The following CNOT1 variants were observed in gnomAD, a reference collection of about 807,000 sequenced individuals.
The protein encoded by CNOT1 is CCR4-associated factor 1.
Under a neutral mutation model 273.8 loss-of-function variants are expected in CNOT1, and 15 were observed. The observed-to-expected ratio is 0.05, with a 90% CI of 0.04 to 0.08. CNOT1 has a LOEUF of 0.08. Ranked by LOEUF, CNOT1 falls within the 10% of genes least tolerant of loss-of-function variation. The pLI, the probability that CNOT1 is intolerant of heterozygous loss-of-function variation, is 1.00. For missense variants in CNOT1, 1,644 were observed against 2,912.2 expected (o/e 0.56, Z 10.02); for synonymous variants, 1,022 against 1,005.5 (o/e 1.02, Z -0.31).
intron 10 of CNOT1, 151 bp from the exon 11 acceptor site, chr16:58,581,666 C>CT (rs923677174): frequency 8.2e-3 from 9,515 of 1,161,320 alleles, no homozygotes; most frequent in East Asian, 0.014. Flanking sequence ...CTTTTTTTTT[C>CT]TTTTTTTTTT....
At chr16:58,602,553 C>CAAA (rs60230860) in intron 1 of CNOT1, among the ~76,000 whole-genome samples, 16,733 of 57,056 alleles carry the variant, frequency 0.29, 2,535 homozygotes, top group Non-Finnish European at 0.35. Context: ...ACTCTGTCTC[C>CAAA]AAAAAAAAAA....
intron 1 of CNOT1, chr16:58,623,148 A>G (rs969230949): frequency 2.0e-5 from 3 of 151,962 alleles, no homozygotes; most frequent in East Asian, 1.9e-4. Flanking sequence ...CAGTGAGCCG[A>G]TATCGCGCTC....
intron 22 of CNOT1, among the ~76,000 whole-genome samples, chr16:58,552,649 C>T (rs1405797245): frequency 6.6e-6 from 1 of 152,152 alleles, no homozygotes; most frequent in South Asian, 2.1e-4. Context: ...TCCTAATAAA[C>T]CTAGAAGGAT....
rs1329518177 is a variant in CNOT1, at chr16:58,562,960, A to T, written c.1980-2598T>A. Among the ~76,000 whole-genome samples, 4 of 152,288 alleles carry T rather than the reference A, an allele frequency of 2.6e-5. No homozygotes were observed. The South Asian group carries it at 8.3e-4, about 32-fold the overall frequency. On this transcript the variant is annotated intron_variant, in intron 16 of 48. Transcript: ENST00000317147. ...AGAAAGCTGTTTCACATTTGGGGGGAAAAAATAAGACTAGGGTGCTAACAG... is the reference window on the plus strand; with the variant it reads ...AGAAAGCTGTTTCACATTTGGGGGGTAAAAATAAGACTAGGGTGCTAACAG...
Position 58,576,593 on chromosome 16 carries a change from G to A in CNOT1, c.1585-11C>T. 6 of 1,614,014 alleles carry A rather than the reference G, an allele frequency of 3.7e-6. No individual in the cohort carries two copies. The highest frequency in any genetic ancestry group is 5.1e-6 in the Non-Finnish European group (6 of 1,179,928). On this transcript the variant is annotated splice_polypyrimidine_tract_variant and intron_variant, in intron 13 of 48. Transcript: ENST00000317147. Reference sequence around the variant, plus strand: ...TGAGGGAGACTGTCCCTAAAAAGGGGAAGAAAGATTAAATAGCAATACTGC... The same window carrying A: ...TGAGGGAGACTGTCCCTAAAAAGGGAAAGAAAGATTAAATAGCAATACTGC...
intron 1 of CNOT1, among the ~76,000 whole-genome samples, chr16:58,603,531 C>T (rs1055365039): frequency 1.3e-5 from 2 of 151,664 alleles, no homozygotes; most frequent in African/African-American, 4.8e-5. Context: ...AAGCCGAAGT[C>T]TTTAAAATGT....
intron 23 of CNOT1, 84 bp from the exon 24 acceptor site, chr16:58,551,356 G>A: frequency 7.2e-7 from 1 of 1,387,766 alleles, no homozygotes; most frequent in Non-Finnish European, 9.7e-7. Flanking sequence ...CAGATTTAGT[G>A]TTAAAAAATA....
intron 2 of CNOT1, among the ~76,000 whole-genome samples, chr16:58,593,350 G>A (rs566922734): frequency 3.9e-5 from 6 of 152,080 alleles, no homozygotes; most frequent in South Asian, 4.1e-4. Context: ...ACCTGAGGTC[G>A]GGAGTTCGAG....
intron 1 of CNOT1, among the ~76,000 whole-genome samples, chr16:58,626,528 G>A (rs541169414): frequency 6.6e-6 from 1 of 151,484 alleles, no homozygotes; most frequent in South Asian, 2.1e-4. Flanking sequence ...TTGGGAGGCC[G>A]ACGCGGGTGG....
intron 8 of CNOT1, 53 bp from the exon 9 acceptor site, chr16:58,583,235 T>C: frequency 3.1e-6 from 5 of 1,593,776 alleles, no homozygotes; most frequent in Non-Finnish European, 4.3e-6. Context: ...ACACCGAGAT[T>C]GAGAAATTCT....
chr16:58,532,655 C>T, intron 40 of CNOT1: 1 of 458,424 alleles, frequency 2.2e-6, no homozygotes, highest in African/African-American at 1.9e-5. Context: ...AATGGTTCTT[C>T]TTCAGCTCTA....
At chr16:58,593,731 AGT>A (rs899086662) in intron 2 of CNOT1, among the ~76,000 whole-genome samples, 3 of 152,156 alleles carry the variant, frequency 2.0e-5, no homozygotes, top group Non-Finnish European at 2.9e-5. Context: ...TGTCTCAAAA[AGT>A]AAGTGAGGAA....
At chr16:58,541,368 A>G in intron 34 of CNOT1, 133 bp downstream of exon 34, 1 of 1,375,474 alleles carries the variant, frequency 7.3e-7, no homozygotes, top group Non-Finnish European at 9.7e-7. Context: ...AAGAATACCT[A>G]CAACTCAAAA....
At chr16:58,538,736 T>A in intron 36 of CNOT1, 36 bp downstream of exon 36, 1 of 1,607,612 alleles carries the variant, frequency 6.2e-7, no homozygotes, top group South Asian at 1.1e-5. Flanking sequence ...GCAGTCGCAG[T>A]CCAATACTCA....
chr16:58,526,652 C>A (rs2151895519), intron 44 of CNOT1, among the ~76,000 whole-genome samples: 1 of 151,800 alleles, frequency 6.6e-6, no homozygotes, highest in South Asian at 2.1e-4. Context: ...GGAGAAACCC[C>A]ATCTCTACTA....
intron 48 of CNOT1, 66 bp from the exon 49 acceptor site, chr16:58,521,102 T>C: frequency 6.2e-7 from 1 of 1,613,580 alleles, no homozygotes; most frequent in Non-Finnish European, 8.5e-7. Context: ...TTGCATCTCA[T>C]TCAGCTGACC....
chr16:58,562,839 C>T (rs1470124482), intron 16 of CNOT1, among the ~76,000 whole-genome samples: 1 of 151,998 alleles, frequency 6.6e-6, no homozygotes, highest in Non-Finnish European at 1.5e-5. Context: ...CAAAAAAAAG[C>T]AGTAGCAGCC....
intron 1 of CNOT1, among the ~76,000 whole-genome samples, chr16:58,618,665 A>G (rs1031858565): frequency 3.3e-5 from 5 of 151,712 alleles, no homozygotes; most frequent in Non-Finnish European, 5.9e-5. Context: ...AAAAAAAAGA[A>G]AAAGAGTTGA....
Position 58,532,651 on chromosome 16 carries a change from T to G in CNOT1, c.5896-256A>C, listed in dbSNP as rs996696581. On this transcript the variant is annotated intron_variant, in intron 40 of 48. Coordinates refer to ENST00000317147, the MANE Select transcript of CNOT1 (RefSeq NM_016284.5). ...ATATTCTCCACAAATGCCCAATGGTTCTTCTTCAGCTCTAGAAATCAGCAA... is the reference window on the plus strand; with the variant it reads ...ATATTCTCCACAAATGCCCAATGGTGCTTCTTCAGCTCTAGAAATCAGCAA... The G allele has an allele frequency of 5.5e-5, 26 of 473,568 alleles. 1 individual carries two copies. The highest frequency in any genetic ancestry group is 7.9e-5 in the Non-Finnish European group (22 of 279,780). The allele number at this position is 473,568 out of a possible 1,614,324, so 29.3% of individuals were successfully genotyped here.
Sources: allele counts gnomAD v4.1 joint callset (sites outside exome capture counted in the v4.1 genomes callset), GRCh38; gene constraint gnomAD v4.1.1; transcripts MANE v1.5; gene names NCBI Gene and HGNC (gene_info 2026-07-23, HGNC 2026-07-21).